TGFBR2: variants seen among roughly 807,000 people sequenced by gnomAD.
TGFBR2 encodes the protein transforming growth factor beta receptor 2.
Under a neutral mutation model 49.0 loss-of-function variants are expected in TGFBR2, and 18 were observed. The ratio of observed to expected loss-of-function variants is 0.37; its 90% CI spans 0.25 to 0.54. The LOEUF (loss-of-function observed/expected upper bound fraction) is 0.54. Ranked by LOEUF, TGFBR2 falls within the 20% of genes least tolerant of loss-of-function variation. The probability of loss-of-function intolerance (pLI) is 0.85; values close to 1 mark genes in which losing one functional copy is unlikely to be tolerated. For synonymous variants in TGFBR2, 282 were observed against 275.9 expected (o/e 1.02, Z -0.22); for missense variants, 525 against 722.6 (o/e 0.73, Z 3.13).
chr3:30,656,013 T>C (rs747076969), intron 3 of TGFBR2, among the ~76,000 whole-genome samples: 2 of 152,178 alleles, frequency 1.3e-5, no homozygotes, highest in African/African-American at 2.4e-5. Flanking sequence ...TTCAGTGATT[T>C]GTTTGCACAC....
intron 5 of TGFBR2, among the ~76,000 whole-genome samples, chr3:30,684,105 A>G (rs1360487972): frequency 6.6e-6 from 1 of 152,198 alleles, no homozygotes; most frequent in Non-Finnish European, 1.5e-5. Flanking sequence ...ACAAGTCCTA[A>G]TGGAGGCCCT....
chr3:30,672,377 T>G lies in TGFBR2; in HGVS notation c.1194T>G (p.Phe398Leu), dbSNP rs1036756776. ...ACCTAACCTGCTGCCTGTGTGACTT[T>G]GGGCTTTCCCTGCGTCTGGACCCTA... Reference protein sequence around the residue: ...KNDLTCCLCDFGLSLRLDPTL... With the variant: ...KNDLTCCLCDLGLSLRLDPTL... The change falls in exon 4 of 7, where the codon TTT (phenylalanine) becomes TTG (leucine). Residue 398 changes from phenylalanine to leucine, a missense_variant. Phe to Leu is a conservative substitution (Grantham distance 22). This residue lies in a region of TGFBR2 where 45 missense variants were observed against 111.0 expected (regional missense o/e 0.41). Coordinates refer to ENST00000295754, the MANE Select transcript of TGFBR2 (RefSeq NM_003242.6). This position sits in a 1 kb window ranked among gnomAD's most constrained non-coding sequence, Gnocchi z 4.5. 1 of 1,614,220 alleles carries G rather than the reference T, an allele frequency of 6.2e-7. No homozygotes were observed. Among genetic ancestry groups the G allele is most frequent in the African/African-American group, 1.3e-5 (1 of 75,070 alleles).
At chr3:30,687,607 A>T (rs1487674887) in intron 5 of TGFBR2, among the ~76,000 whole-genome samples, 1 of 152,106 alleles carries the variant, frequency 6.6e-6, no homozygotes, top group Non-Finnish European at 1.5e-5. Flanking sequence ...TACCATCTTA[A>T]CCATTTTTAA....
chr3:30,644,768 C>A lies in TGFBR2; in HGVS notation c.116C>A (p.Thr39Asn), dbSNP rs146277116. ...QKSVNNDMIVTDNNGAVKFPQ... is the reference protein window; with the variant it reads ...QKSVNNDMIVNDNNGAVKFPQ... ...TCAGTTAATAACGACATGATAGTCA[C>A]TGACAACAACGGTGCAGTCAAGTTT... Residue 39 changes from threonine (T) to asparagine (N), a missense_variant, in exon 2 of 7, where the codon ACT (threonine) becomes AAT (asparagine). Physicochemically the swap from Thr to Asn is moderately conservative, Grantham distance 65 (BLOSUM62 0). This residue lies in a region of TGFBR2 where 376 missense variants were observed against 478.2 expected (regional missense o/e 0.79). Coordinates refer to ENST00000295754, the MANE Select transcript of TGFBR2 (RefSeq NM_003242.6). 6.8e-6 allele frequency: 11 copies of A among 1,614,130 alleles called. No individual in the cohort carries two copies. In the African/African-American group the frequency reaches 1.3e-4, roughly 20 times the overall value.
rs17026211 is a variant in TGFBR2 at position 30,675,418 on chromosome 3, G to A, written c.1396+1172G>A. 3.5e-3 allele frequency among the ~76,000 whole-genome samples: 498 copies of A among 143,192 alleles called. 4 individuals are homozygous for A. Among genetic ancestry groups the A allele is most frequent in the African/African-American group, 0.012 (472 of 38,208 alleles). 93.9% of individuals were successfully genotyped at this position (143,192 alleles called of 152,430 possible). A position where few individuals can be genotyped will look rare whatever the true frequency, so the allele number is the denominator to read the frequency against. The stretch of plus-strand genomic sequence containing the variant: ...CTTTTTTTTTTTTTGAGACAGTCTC[G>A]CTCTGTCACCCAGGCTGGAGTGCAA... On this transcript the variant is annotated intron_variant, in intron 5 of 6. Transcript: ENST00000295754.
At chr3:30,662,781 C>T (rs963985018) in intron 3 of TGFBR2, among the ~76,000 whole-genome samples, 33 of 152,204 alleles carry the variant, frequency 2.2e-4, no homozygotes, top group Non-Finnish European at 4.6e-4. Flanking sequence ...CTGAATACAG[C>T]TGTACCAGAG....
intron 1 of TGFBR2, among the ~76,000 whole-genome samples, chr3:30,636,849 G>A (rs1025021878): frequency 2.0e-5 from 3 of 151,924 alleles, no homozygotes; most frequent in Non-Finnish European, 4.4e-5. Flanking sequence ...CAGATCACGA[G>A]GTCAGGAGAT....
At chr3:30,607,172 A>G (rs1244352746) in intron 1 of TGFBR2, among the ~76,000 whole-genome samples, 195 bp downstream of exon 1, 1 of 152,034 alleles carries the variant, frequency 6.6e-6, no homozygotes, top group Non-Finnish European at 1.5e-5. Context: ...AAGAGAAGGA[A>G]AGTTCAGTTG....
At chr3:30,658,677 G>A (rs781361347) in intron 3 of TGFBR2, among the ~76,000 whole-genome samples, 6 of 152,162 alleles carry the variant, frequency 3.9e-5, no homozygotes, top group Non-Finnish European at 8.8e-5. Context: ...TAGCCACAAA[G>A]TTTCATTCCT....
chr3:30,660,089 T>TA (rs1177786094), intron 3 of TGFBR2, among the ~76,000 whole-genome samples: 1 of 152,158 alleles, frequency 6.6e-6, no homozygotes, highest in African/African-American at 2.4e-5. Flanking sequence ...TGCTTTTTTT[T>TA]AAAAACATGT....
intron 1 of TGFBR2, among the ~76,000 whole-genome samples, chr3:30,639,204 G>A (rs1045961598): frequency 6.6e-6 from 1 of 152,162 alleles, no homozygotes; most frequent in Non-Finnish European, 1.5e-5. Context: ...TAGTGGGCTG[G>A]CATCACCCAG....
chr3:30,689,608 G>A (rs2125453446), intron 6 of TGFBR2, among the ~76,000 whole-genome samples: 1 of 152,362 alleles, frequency 6.6e-6, no homozygotes, highest in Admixed American at 6.5e-5. Flanking sequence ...TAAAGTCCGA[G>A]GAGGTTGGCG....
chr3:30,617,850 T>C (rs1209676399), intron 1 of TGFBR2, among the ~76,000 whole-genome samples: 1 of 152,188 alleles, frequency 6.6e-6, no homozygotes, highest in Non-Finnish European at 1.5e-5. Context: ...ATGTACACTT[T>C]CACAAGGTCC....
At chr3:30,618,940 T>G (rs1559447720) in intron 1 of TGFBR2, among the ~76,000 whole-genome samples, 1 of 152,218 alleles carries the variant, frequency 6.6e-6, no homozygotes, top group Non-Finnish European at 1.5e-5. Flanking sequence ...CTTAGTTACT[T>G]TTGTCTTCCA....
intron 1 of TGFBR2, among the ~76,000 whole-genome samples, chr3:30,608,477 T>C (rs1372491928): frequency 6.6e-6 from 1 of 152,138 alleles, no homozygotes; most frequent in Non-Finnish European, 1.5e-5. Context: ...ATGTAGACTT[T>C]GGATGAAATG....
chr3:30,619,198 AT>A (rs1698185373), intron 1 of TGFBR2, among the ~76,000 whole-genome samples: 1 of 152,208 alleles, frequency 6.6e-6, no homozygotes, highest in Non-Finnish European at 1.5e-5. Context: ...CGCAAAATCT[AT>A]AACCATTTGG....
intron 3 of TGFBR2, among the ~76,000 whole-genome samples, chr3:30,651,495 C>T (rs1698886108): frequency 6.6e-6 from 1 of 152,174 alleles, no homozygotes; most frequent in Non-Finnish European, 1.5e-5. Flanking sequence ...CTTTTTTATA[C>T]CCAACCACTT....
At chr3:30,616,446 A>G (rs555658701) in intron 1 of TGFBR2, among the ~76,000 whole-genome samples, 13 of 152,358 alleles carry the variant, frequency 8.5e-5, no homozygotes, top group Admixed American at 5.2e-4. Flanking sequence ...GTTTGAGATT[A>G]GAAGGACTCT....
chr3:30,685,450 C>T (rs1427450150), intron 5 of TGFBR2, among the ~76,000 whole-genome samples: 1 of 152,110 alleles, frequency 6.6e-6, no homozygotes, highest in Non-Finnish European at 1.5e-5. Context: ...GAGTCTGACA[C>T]ACTTTTGTGC....
Sources: gnomAD v4.1 joint callset for allele counts (sites outside exome capture counted in the v4.1 genomes callset) on GRCh38, gnomAD v4.1.1 for gene constraint, gnomAD v4.1.1 regional missense constraint, Gnocchi (gnomAD v3.1) non-coding constraint, MANE v1.5 for transcripts, NCBI Gene and HGNC (gene_info 2026-07-23, HGNC 2026-07-21) for gene names.